Variants in MBOAT2 observed in about 807,000 individuals in gnomAD.
MBOAT2 encodes the protein membrane bound glycerophospholipid O-acyltransferase 2, also known as membrane-bound glycerophospholipid O-acyltransferase 2.
In MBOAT2, 28 loss-of-function variants were observed where a neutral mutation model predicts 63.4. That is an observed-to-expected ratio of 0.44 (90% CI 0.33 to 0.61). The LOEUF (loss-of-function observed/expected upper bound fraction) is 0.61, where lower values mean the gene tolerates loss of function less well. Ranked by LOEUF, MBOAT2 falls within the 20% of genes least tolerant of loss-of-function variation. The pLI is 0.03. For synonymous variants in MBOAT2, 211 were observed against 215.6 expected (o/e 0.98, Z 0.19); for missense variants, 470 against 605.8 (o/e 0.78, Z 2.35).
chr2:8,896,844 T>G (rs1664515125), intron 4 of MBOAT2, among the ~76,000 whole-genome samples: 1 of 152,236 alleles, frequency 6.6e-6, no homozygotes, highest in African/African-American at 2.4e-5. Flanking sequence ...ATCTATCTCC[T>G]GTCCTGAAGG....
intron 1 of MBOAT2, among the ~76,000 whole-genome samples, chr2:8,975,371 G>A (rs936761354): frequency 1.3e-5 from 2 of 152,178 alleles, no homozygotes; most frequent in East Asian, 3.9e-4. Context: ...CTGTGAGTCT[G>A]ACTTTCCTTT....
At chr2:8,894,359 C>T (rs377449308) in intron 4 of MBOAT2, among the ~76,000 whole-genome samples, 41 of 152,312 alleles carry the variant, frequency 2.7e-4, no homozygotes, top group Admixed American at 5.2e-4. Flanking sequence ...GGCAGCTAAA[C>T]GGAATGTTTC....
In MBOAT2 at chr2:8,905,012, G is replaced by A. The variant is rs73916024; in HGVS notation, c.395+3609C>T. On this transcript the variant is annotated intron_variant, in intron 4 of 12. Transcript: ENST00000305997. ...AATTTACACATACACACACACACACGCGCGCAGTTTCTCCATACTCTTGTG... is the reference window on the plus strand; with the variant it reads ...AATTTACACATACACACACACACACACGCGCAGTTTCTCCATACTCTTGTG... Among the ~76,000 whole-genome samples the A allele has an allele frequency of 5.5e-3, 832 of 151,850 alleles. 4 individuals carry two copies. The highest frequency in any genetic ancestry group is 0.017 in the African/African-American group (719 of 41,398).
chr2:8,969,113 G>C (rs1341279264), intron 1 of MBOAT2, among the ~76,000 whole-genome samples: 1 of 152,244 alleles, frequency 6.6e-6, no homozygotes. Flanking sequence ...GTTAAGGGCA[G>C]CCAGAGAGAA....
At chr2:8,879,719 A>G (rs1032075529) in intron 6 of MBOAT2, among the ~76,000 whole-genome samples, 1 of 152,162 alleles carries the variant, frequency 6.6e-6, no homozygotes, top group East Asian at 1.9e-4. Flanking sequence ...GTGTCTAGAC[A>G]TTGTCAGCTG....
chr2:8,872,380 C>A (rs1397732776), intron 8 of MBOAT2, among the ~76,000 whole-genome samples: 1 of 152,176 alleles, frequency 6.6e-6, no homozygotes, highest in African/African-American at 2.4e-5. Flanking sequence ...TAGGCTCAAG[C>A]GGTCCTCTCA....
At chr2:8,884,060 TAAAA>T (rs758119072) in intron 5 of MBOAT2, among the ~76,000 whole-genome samples, 1 of 104,314 alleles carries the variant, frequency 9.6e-6, no homozygotes, top group Non-Finnish European at 2.0e-5. Context: ...TTGTCTTTAC[TAAAA>T]AAAAAAAAAA....
intron 4 of MBOAT2, among the ~76,000 whole-genome samples, chr2:8,902,462 G>A (rs1230747083): frequency 6.6e-6 from 1 of 152,184 alleles, no homozygotes; most frequent in Non-Finnish European, 1.5e-5. Context: ...TGTTCCTTCT[G>A]ATGTTCGGAC....
intron 2 of MBOAT2, among the ~76,000 whole-genome samples, chr2:8,955,028 G>A (rs1172109339): frequency 1.3e-5 from 2 of 152,152 alleles, no homozygotes; most frequent in African/African-American, 4.8e-5. Flanking sequence ...CCTGCCCCAG[G>A]CTTGCAATGG....
At chr2:8,970,712 T>A (rs1670386362) in intron 1 of MBOAT2, among the ~76,000 whole-genome samples, 2 of 152,160 alleles carry the variant, frequency 1.3e-5, no homozygotes, top group South Asian at 4.1e-4. Context: ...CCCACAGAAA[T>A]ACAAACTACC....
intron 3 of MBOAT2, among the ~76,000 whole-genome samples, chr2:8,916,359 A>T (rs573668511): frequency 5.0e-4 from 76 of 152,238 alleles, no homozygotes; most frequent in Non-Finnish European, 9.6e-4. Context: ...AATAAAATCA[A>T]CAGCTTCTGT....
intron 1 of MBOAT2, among the ~76,000 whole-genome samples, chr2:8,982,336 T>G (rs1331171257): frequency 6.6e-6 from 1 of 152,180 alleles, no homozygotes; most frequent in Non-Finnish European, 1.5e-5. Context: ...TTGGAAAGCA[T>G]TATTCTTAAG....
At chr2:8,993,546 G>A (rs1056628085) in intron 1 of MBOAT2, among the ~76,000 whole-genome samples, 3 of 152,092 alleles carry the variant, frequency 2.0e-5, no homozygotes, top group East Asian at 1.9e-4. Flanking sequence ...CCCAGGAGGC[G>A]TGAGTGCCAA....
intron 4 of MBOAT2, among the ~76,000 whole-genome samples, chr2:8,901,800 A>G (rs1316872127): frequency 6.6e-6 from 1 of 152,204 alleles, no homozygotes; most frequent in South Asian, 2.1e-4. Context: ...CCTGAAGTTT[A>G]TACTAGAAAT....
In MBOAT2 at chr2:8,880,908, G is replaced by A. The variant is rs1663073556; in HGVS notation, c.506+1603C>T. On this transcript the variant is annotated intron_variant, in intron 6 of 12. Coordinates refer to ENST00000305997, the MANE Select transcript of MBOAT2 (RefSeq NM_138799.4). ...AGTGGGCACAAAAACCTGAATGCAG[G>A]GGGCTGAGGGGAGAATGAGGGGAGA... Among the ~76,000 whole-genome samples, 3 of 152,194 alleles carry A rather than the reference G, an allele frequency of 2.0e-5. No homozygotes were observed. In the South Asian group the frequency reaches 6.2e-4, roughly 31 times the overall value.
intron 1 of MBOAT2, among the ~76,000 whole-genome samples, chr2:8,995,590 ATTTTTTTTTT>A (rs34038834): frequency 7.4e-6 from 1 of 134,408 alleles, no homozygotes; most frequent in Non-Finnish European, 1.6e-5. Flanking sequence ...AATACATTCC[ATTTTTTTTTT>A]TTTTTTTTGA....
rs184853475 is a variant in MBOAT2 at position 8,889,077 on chromosome 2, T to C, written c.396-1004A>G. On this transcript the variant is annotated intron_variant, in intron 4 of 12. Coordinates refer to ENST00000305997, the MANE Select transcript of MBOAT2 (RefSeq NM_138799.4). ...GAGGAGAACATGTTTCACGGAATCC[T>C]GAGGACAGTGTGGCGCACGCAGCAT... Among the ~76,000 whole-genome samples the C allele has an allele frequency of 3.5e-3, 526 of 152,290 alleles. 1 individual carries two copies. The highest frequency in any genetic ancestry group is 6.3e-3 in the Non-Finnish European group (426 of 68,018).
intron 3 of MBOAT2, among the ~76,000 whole-genome samples, chr2:8,935,566 GT>G (rs1460091858): frequency 5.3e-5 from 8 of 152,228 alleles, no homozygotes; most frequent in African/African-American, 1.9e-4. Context: ...TACTTCAGAA[GT>G]AAAAATGACC....
intron 1 of MBOAT2, among the ~76,000 whole-genome samples, chr2:9,002,522 G>A (rs1317830241): frequency 2.0e-5 from 3 of 152,150 alleles, no homozygotes; most frequent in Non-Finnish European, 4.4e-5. Context: ...ACACTTCCAG[G>A]TTAAGTACAC....
Sources: gnomAD v4.1 joint callset for allele counts (sites outside exome capture counted in the v4.1 genomes callset) on GRCh38, gnomAD v4.1.1 for gene constraint, MANE v1.5 for transcripts, NCBI Gene and HGNC (gene_info 2026-07-23, HGNC 2026-07-21) for gene names.